Variants in PSMA1 observed in about 807,000 individuals in gnomAD.
PSMA1 encodes the protein proteasome 20S subunit alpha 1, also known as proteasome subunit alpha type-1.
In PSMA1, 3 loss-of-function variants were observed where a neutral mutation model predicts 38.4. The observed-to-expected ratio is 0.08, with a 90% CI of 0.04 to 0.20. The LOEUF (loss-of-function observed/expected upper bound fraction) is 0.20, where lower values mean the gene tolerates loss of function less well. Ranked by LOEUF, PSMA1 falls within the 10% of genes least tolerant of loss-of-function variation. The pLI, the probability that PSMA1 is intolerant of heterozygous loss-of-function variation, is 1.00. For missense variants in PSMA1, 227 were observed against 325.3 expected, an observed-to-expected ratio of 0.70 and a Z score of 2.32; for synonymous variants, 101 against 107.1, an observed-to-expected ratio of 0.94 and a Z score of 0.35.
At chr11:14,624,544 C>T (rs1341837013) in intron 1 of PSMA1, among the ~76,000 whole-genome samples, 1 of 152,100 alleles carries the variant, frequency 6.6e-6, no homozygotes, top group Non-Finnish European at 1.5e-5. Flanking sequence ...CTGGAGGTCC[C>T]GAGAGGGAGT....
intron 1 of PSMA1, among the ~76,000 whole-genome samples, chr11:14,632,635 A>G (rs1853038606): frequency 6.7e-6 from 1 of 150,272 alleles, no homozygotes; most frequent in Admixed American, 6.6e-5. Context: ...GAATCTGACA[A>G]TTATGTGTCT....
At chr11:14,598,004 T>C (rs1184495064) in intron 2 of PSMA1, among the ~76,000 whole-genome samples, 1 of 152,190 alleles carries the variant, frequency 6.6e-6, no homozygotes, top group East Asian at 1.9e-4. Context: ...ATTTCGTTAT[T>C]TACCCAGTAG....
chr11:14,551,194 T>A (rs1037923075), intron 2 of PSMA1, among the ~76,000 whole-genome samples: 1 of 152,248 alleles, frequency 6.6e-6, no homozygotes, highest in South Asian at 2.1e-4. Flanking sequence ...TAAGACAGTT[T>A]CTTTGCTTGG....
intron 2 of PSMA1, among the ~76,000 whole-genome samples, chr11:14,538,238 A>T (rs560189458): frequency 6.6e-6 from 1 of 152,150 alleles, no homozygotes; most frequent in Admixed American, 6.5e-5. Flanking sequence ...GCTGTCTCCA[A>T]CCTTCTTTGC....
chr11:14,578,860 G>A (rs1487790572), intron 2 of PSMA1, among the ~76,000 whole-genome samples: 1 of 152,218 alleles, frequency 6.6e-6, no homozygotes, highest in African/African-American at 2.4e-5. Context: ...TCACCAGAGT[G>A]TCTATGCAAC....
At chr11:14,631,866 T>C (rs1317817294) in intron 1 of PSMA1, among the ~76,000 whole-genome samples, 1 of 150,112 alleles carries the variant, frequency 6.7e-6, no homozygotes, top group Non-Finnish European at 1.5e-5. Context: ...TGGGTGCATA[T>C]ATATTTAGGA....
At position 14,621,565 on chromosome 11, in the gene PSMA1, T is replaced by A. The variant is rs551562854; in HGVS notation, c.-165-10414A>T. 3.3e-5 allele frequency among the ~76,000 whole-genome samples: 5 copies of A among 152,242 alleles called. No homozygotes were observed. The East Asian group carries it at 9.7e-4, about 29-fold the overall frequency. On this transcript the variant is annotated intron_variant, in intron 1 of 10. Transcript: ENST00000418988. ...GGATTACAGGCATGAGCCACCACAT[T>A]TGGCCCTCAAAATTATCCTAAATAT...
chr11:14,558,670 T>C (rs564333200), intron 2 of PSMA1, among the ~76,000 whole-genome samples: 4 of 152,290 alleles, frequency 2.6e-5, no homozygotes, highest in African/African-American at 9.6e-5. Context: ...TCAACAACAA[T>C]GTGAGGACAG....
chr11:14,557,630 C>T (rs1589991996), intron 2 of PSMA1, among the ~76,000 whole-genome samples: 1 of 152,298 alleles, frequency 6.6e-6, no homozygotes, highest in South Asian at 2.1e-4. Context: ...TTTCCCCTCA[C>T]TCCTAGAGGG....
At chr11:14,530,675 G>A (rs1054196952) in intron 2 of PSMA1, among the ~76,000 whole-genome samples, 1 of 152,078 alleles carries the variant, frequency 6.6e-6, no homozygotes, top group East Asian at 1.9e-4. Flanking sequence ...AGGCCAAGAC[G>A]GGCAGATCAT....
chr11:14,557,900 T>C (rs1851959091), intron 2 of PSMA1, among the ~76,000 whole-genome samples: 1 of 152,162 alleles, frequency 6.6e-6, no homozygotes, highest in South Asian at 2.1e-4. Context: ...CAGAGACATC[T>C]GGTGCCTCCA....
intron 1 of PSMA1, among the ~76,000 whole-genome samples, chr11:14,615,277 T>C (rs1309882449): frequency 2.0e-5 from 3 of 152,228 alleles, no homozygotes; most frequent in Non-Finnish European, 4.4e-5. Flanking sequence ...GCTGGGTTGT[T>C]CTTTGCTGGC....
chr11:14,521,726 A>G (rs1851532529), upstream of PSMA1, among the ~76,000 whole-genome samples: 1 of 145,654 alleles, frequency 6.9e-6, no homozygotes, highest in South Asian at 2.2e-4. Flanking sequence ...AGATCGTGCC[A>G]CTGCACTCCA....
intron 2 of PSMA1, among the ~76,000 whole-genome samples, chr11:14,573,835 G>C (rs1010976930): frequency 2.0e-5 from 3 of 152,204 alleles, no homozygotes; most frequent in Non-Finnish European, 2.9e-5. Context: ...ATTGGGAACT[G>C]GAGCAAAGGT....
intron 1 of PSMA1, among the ~76,000 whole-genome samples, chr11:14,630,588 T>C (rs925517926): frequency 8.6e-5 from 13 of 151,890 alleles, no homozygotes; most frequent in African/African-American, 3.1e-4. Flanking sequence ...TGAGGATTTT[T>C]GCATCAATGT....
At chr11:14,628,152 G>T (rs1004660694) in intron 1 of PSMA1, among the ~76,000 whole-genome samples, 1 of 152,170 alleles carries the variant, frequency 6.6e-6, no homozygotes. Flanking sequence ...CTGATGATCT[G>T]AGATGGAATA....
intron 1 of PSMA1, among the ~76,000 whole-genome samples, chr11:14,624,969 G>A (rs1852893917): frequency 6.6e-6 from 1 of 152,188 alleles, no homozygotes; most frequent in Non-Finnish European, 1.5e-5. Context: ...GGTGGGAGAA[G>A]TTAAGTACCT....
intron 2 of PSMA1, among the ~76,000 whole-genome samples, chr11:14,543,233 T>C (rs1851792059): frequency 6.6e-6 from 1 of 152,204 alleles, no homozygotes; most frequent in Non-Finnish European, 1.5e-5. Context: ...TGCAGTGGTA[T>C]GTGCCTGTAG....
chr11:14,526,995 A>G (rs1851593251), intron 2 of PSMA1, among the ~76,000 whole-genome samples: 1 of 152,122 alleles, frequency 6.6e-6, no homozygotes. Flanking sequence ...GTCAATATTT[A>G]TACTGACTCT....
Sources: allele counts gnomAD v4.1 joint callset (sites outside exome capture counted in the v4.1 genomes callset), GRCh38; gene constraint gnomAD v4.1.1; transcripts MANE v1.5; gene names NCBI Gene and HGNC (gene_info 2026-07-23, HGNC 2026-07-21).